VPS13D: variants seen among roughly 807,000 people sequenced by gnomAD.
VPS13D encodes vacuolar protein sorting 13 homolog D, also known as intermembrane lipid transfer protein VPS13D.
VPS13D carries 187 observed loss-of-function variants against 461.9 expected under a neutral mutation model. That is an observed-to-expected ratio of 0.40 (90% CI 0.36 to 0.46). VPS13D has a LOEUF of 0.46. Ranked by LOEUF, VPS13D falls within the 20% of genes least tolerant of loss-of-function variation. The probability of loss-of-function intolerance (pLI) is 0.60; values close to 1 mark genes in which losing one functional copy is unlikely to be tolerated. For synonymous variants in VPS13D, 1,951 were observed against 1,986.3 expected (o/e 0.98, Z 0.47); for missense variants, 4,711 against 5,364.9 (o/e 0.88, Z 3.81).
At chr1:12,285,925 CTT>C (rs1351113714) in intron 21 of VPS13D, among the ~76,000 whole-genome samples, 1 of 148,908 alleles carries the variant, frequency 6.7e-6, no homozygotes, top group Non-Finnish European at 1.5e-5. Flanking sequence ...GCATGAATTT[CTT>C]TCTTCCTTTC....
intron 2 of VPS13D, among the ~76,000 whole-genome samples, chr1:12,240,423 T>C (rs1042537076): frequency 1.2e-4 from 18 of 151,994 alleles, no homozygotes; most frequent in Non-Finnish European, 2.2e-4. Flanking sequence ...GGTGAAACCC[T>C]GTCTCTACTA....
intron 51 of VPS13D, 91 bp from the exon 52 acceptor site, chr1:12,362,981 G>A (rs1643973124): frequency 5.7e-6 from 9 of 1,580,960 alleles, no homozygotes; most frequent in Non-Finnish European, 7.7e-6. Flanking sequence ...GATAGCTCCT[G>A]TTAGAGGGTA....
At chr1:12,358,227 TTGTAGATGTCAGTAAATTTCACACACTG>T (rs1365628702) in intron 49 of VPS13D, among the ~76,000 whole-genome samples, 2 of 152,190 alleles carry the variant, frequency 1.3e-5, no homozygotes, top group African/African-American at 4.8e-5. Flanking sequence ...AAGCATTTAG[TTGTAGATGTCAGTAAATTTCACACACTG>T]TTGTACTGTG....
chr1:12,283,805 G>C, intron 21 of VPS13D, 69 bp downstream of exon 21: 3 of 1,434,784 alleles, frequency 2.1e-6, no homozygotes, highest in Non-Finnish European at 2.8e-6. Flanking sequence ...TTAAATACAA[G>C]CACTTTACAT....
intron 65 of VPS13D, among the ~76,000 whole-genome samples, chr1:12,440,759 C>T (rs1294085477): frequency 6.6e-6 from 1 of 152,102 alleles, no homozygotes; most frequent in Admixed American, 6.5e-5. Context: ...ACCTGTAATC[C>T]TGGCTACTCG....
intron 67 of VPS13D, among the ~76,000 whole-genome samples, chr1:12,487,494 C>T (rs1645813153): frequency 6.6e-6 from 1 of 152,032 alleles, no homozygotes. Flanking sequence ...ACCTGTAATC[C>T]CAGCTACTTG....
intron 2 of VPS13D, among the ~76,000 whole-genome samples, chr1:12,240,595 CAAAAAAAAAAAA>C (rs781165302): frequency 2.3e-5 from 1 of 43,060 alleles, no homozygotes; most frequent in Non-Finnish European, 4.9e-5. Context: ...GATTCCATCT[CAAAAAAAAAAAA>C]AAAAAAAAAA....
Position 12,267,864 on chromosome 1 carries a change from T to A in VPS13D, c.1745T>A (p.Val582Asp). The A allele has an allele frequency of 6.2e-7, 1 of 1,614,158 alleles. No individual in the cohort carries two copies. Among genetic ancestry groups the A allele is most frequent in the Middle Eastern group, 1.7e-4 (1 of 6,060 alleles). The change falls in exon 15 of 70, where the codon GTC becomes GAC. Residue 582 changes from valine to aspartate, a missense_variant. Physicochemically the swap from Val to Asp is radical, Grantham distance 152. This residue lies in a region of VPS13D where 4,411 missense variants were observed against 4,937.8 expected (regional missense o/e 0.89). Transcript: ENST00000620676. ...FPNPQKEVGR[V>D]SQSFGLQTTS... ...TAATAGCAAAAAGAAGTTGGCAGAG[T>A]CTCACAATCTTTTGGTCTACAAACT... is the stretch of plus-strand genomic sequence containing the variant.
chr1:12,347,825 A>C (rs1643708953), intron 44 of VPS13D, among the ~76,000 whole-genome samples: 1 of 152,188 alleles, frequency 6.6e-6, no homozygotes, highest in African/African-American at 2.4e-5. Flanking sequence ...TCTTTGGTGT[A>C]CCTAACATGG....
intron 1 of VPS13D, among the ~76,000 whole-genome samples, chr1:12,232,909 T>A (rs951553747): frequency 5.3e-5 from 8 of 152,066 alleles, no homozygotes; most frequent in Non-Finnish European, 8.8e-5. Context: ...CATGAACAAA[T>A]TTGAGACATT....
In VPS13D at chr1:12,323,150, G is replaced by A. The variant is rs192354590; in HGVS notation, c.7915+404G>A. 6.1e-3 allele frequency among the ~76,000 whole-genome samples: 932 copies of A among 152,284 alleles called. 12 individuals carry two copies. The highest frequency in any genetic ancestry group is 0.02 in the African/African-American group (840 of 41,544). On this transcript the variant is annotated intron_variant, in intron 34 of 69. Transcript: ENST00000620676. ...AGTGGTGTGATCATAGCTTATTGCA[G>A]CCTCAAACTCCTGGGCCCAAGCTAT... is the stretch of plus-strand genomic sequence containing the variant.
rs549724679 is a variant in VPS13D, at chr1:12,324,033, T to C, written c.7990+253T>C. Among the ~76,000 whole-genome samples the C allele has an allele frequency of 3.9e-5, 6 of 152,292 alleles. No individual in the cohort carries two copies. The East Asian group carries it at 1.2e-3, about 29-fold the overall frequency. On this transcript the variant is annotated intron_variant, in intron 35 of 69. Coordinates refer to ENST00000620676, the MANE Select transcript of VPS13D (RefSeq NM_015378.4). ...AAGCCATTCTTCTGCCTCAGCCTCCTGAGTACCTGGGTTTATAGGCATGCG... is the reference window on the plus strand; with the variant it reads ...AAGCCATTCTTCTGCCTCAGCCTCCCGAGTACCTGGGTTTATAGGCATGCG...
chr1:12,330,743 T>C (rs957093518), intron 37 of VPS13D, among the ~76,000 whole-genome samples: 1 of 151,644 alleles, frequency 6.6e-6, no homozygotes, highest in African/African-American at 2.4e-5. Context: ...ATTTTTTGTA[T>C]TTTTAGTAGA....
At chr1:12,400,060 G>A (rs938226130) in intron 60 of VPS13D, 121 bp from the exon 61 acceptor site, 3 of 1,105,670 alleles carry the variant, frequency 2.7e-6, no homozygotes, top group African/African-American at 3.1e-5. Context: ...GAGATCGAGT[G>A]AAATGACAAG....
intron 52 of VPS13D, chr1:12,367,823 G>A (rs1644059489): frequency 6.6e-6 from 1 of 152,094 alleles, no homozygotes; most frequent in Non-Finnish European, 1.5e-5. Flanking sequence ...TAGCCAGGAT[G>A]GTCTCGATCT....
chr1:12,400,075 C>T (rs1257238608), intron 60 of VPS13D, 106 bp from the exon 61 acceptor site: 7 of 1,307,028 alleles, frequency 5.4e-6, no homozygotes, highest in Non-Finnish European at 2.1e-6. Flanking sequence ...GACAAGGGTA[C>T]TTTCTGAGCA....
At chr1:12,416,879 C>T in intron 65 of VPS13D, 52 bp downstream of exon 65, 1 of 1,524,406 alleles carries the variant, frequency 6.6e-7, no homozygotes, top group South Asian at 1.3e-5. Flanking sequence ...GAGTCCTCTA[C>T]AGTACTACAA....
At chr1:12,491,370 A>AT (rs139785798) in intron 67 of VPS13D, among the ~76,000 whole-genome samples, 3,897 of 152,300 alleles carry the variant, frequency 0.026, 130 homozygotes, top group Admixed American at 0.1. Flanking sequence ...TAAGCTGTGT[A>AT]GGGGTATGTG....
chr1:12,425,754 G>GA (rs1644917443), intron 65 of VPS13D, among the ~76,000 whole-genome samples: 1 of 152,108 alleles, frequency 6.6e-6, no homozygotes, highest in African/African-American at 2.4e-5. Flanking sequence ...CCATTTTACA[G>GA]ATGAGAAAAA....
Sources: gnomAD v4.1 joint callset for allele counts (sites outside exome capture counted in the v4.1 genomes callset) on GRCh38, gnomAD v4.1.1 for gene constraint, gnomAD v4.1.1 regional missense constraint, MANE v1.5 for transcripts, NCBI Gene and HGNC (gene_info 2026-07-23, HGNC 2026-07-21) for gene names.